CEP350: variants seen among roughly 807,000 people sequenced by gnomAD.
The protein encoded by CEP350 is centrosome-associated protein 350.
Under a neutral mutation model 331.8 loss-of-function variants are expected in CEP350, and 126 were observed. The ratio of observed to expected loss-of-function variants is 0.38; its 90% CI spans 0.33 to 0.44. The LOEUF is 0.44. Ranked by LOEUF, CEP350 falls within the 20% of genes least tolerant of loss-of-function variation. The pLI, the probability that CEP350 is intolerant of heterozygous loss-of-function variation, is 1.00. For missense variants in CEP350, 3,406 were observed against 3,634.6 expected, an observed-to-expected ratio of 0.94 and a Z score of 1.62; for synonymous variants, 1,200 against 1,259.5, an observed-to-expected ratio of 0.95 and a Z score of 1.00.
In CEP350 at chr1:180,097,833, C is replaced by A. The variant is rs186499788; in HGVS notation, c.9067-1030C>A. 1.4e-3 allele frequency among the ~76,000 whole-genome samples: 217 copies of A among 152,234 alleles called. 3 individuals carry two copies. The highest frequency in any genetic ancestry group is 6.8e-3 in the Middle Eastern group (2 of 294). ...GTTTTGGTGCTTCAAAATAAACTAT[C>A]CCAAAGTCTTTTGCTTTTCTCACAT... is the stretch of plus-strand genomic sequence containing the variant. On this transcript the variant is annotated intron_variant, in intron 36 of 37. Coordinates refer to ENST00000367607, the MANE Select transcript of CEP350 (RefSeq NM_014810.5).
At chr1:179,968,565 G>T in intron 1 of CEP350, 1 of 326,656 alleles carries the variant, frequency 3.1e-6, no homozygotes, top group Non-Finnish European at 6.0e-6. Flanking sequence ...GTTATTGAAC[G>T]TGGAAGGAGA....
rs201932318 is a variant in CEP350 at position 180,062,374 on chromosome 1, A to T, written c.5409+8A>T. ...GCAGGGGAGAGTAAATTGGTAAACT[A>T]CATGAAGTTATTATTTGTTTCCTGT... On this transcript the variant is annotated splice_region_variant and intron_variant, in intron 26 of 37. Coordinates refer to ENST00000367607, the MANE Select transcript of CEP350 (RefSeq NM_014810.5). 2.3e-4 allele frequency: 361 copies of T among 1,583,566 alleles called. 10 individuals carry two copies. In the East Asian group the frequency reaches 4.0e-3, roughly 17 times the overall value.
At chr1:180,050,818 A>G (rs1657452997) in intron 22 of CEP350, among the ~76,000 whole-genome samples, 1 of 152,204 alleles carries the variant, frequency 6.6e-6, no homozygotes, top group South Asian at 2.1e-4. Context: ...AACATCGTAT[A>G]TCATTAGAGA....
chr1:180,080,736 T>A, intron 30 of CEP350, 75 bp downstream of exon 30: 1 of 1,323,680 alleles, frequency 7.6e-7, no homozygotes. Flanking sequence ...TCAAGGAGTT[T>A]GTTGACCTTA....
chr1:179,958,177 C>T (rs929171572), intron 1 of CEP350, among the ~76,000 whole-genome samples: 2 of 151,742 alleles, frequency 1.3e-5, no homozygotes, highest in Admixed American at 1.3e-4. Context: ...TTCATGAATC[C>T]AAAGTGTTAA....
intron 23 of CEP350, 71 bp from the exon 24 acceptor site, chr1:180,053,679 T>C (rs1030753913): frequency 2.3e-6 from 2 of 880,188 alleles, no homozygotes; most frequent in African/African-American, 3.3e-5. Context: ...TGTAAATGCA[T>C]ACCTCTTTTA....
At chr1:180,012,532 G>T (rs1201623455) in intron 9 of CEP350, among the ~76,000 whole-genome samples, 3 of 152,178 alleles carry the variant, frequency 2.0e-5, no homozygotes, top group Non-Finnish European at 4.4e-5. Flanking sequence ...TTTGGTGGCA[G>T]AACTGTTTAG....
chr1:179,987,287 G>GT lies in CEP350; in HGVS notation c.120+2dup. On this transcript the variant is annotated splice_donor_variant, in intron 3 of 37. Coordinates refer to ENST00000367607, the MANE Select transcript of CEP350 (RefSeq NM_014810.5). LOFTEE classifies it high-confidence loss of function. Reference sequence around the variant, plus strand: ...TGCACTTTCTCAAACCAAGGCTGCTGTAAGTAGTTTTAGCTTCCATTTATT... The same window carrying GT: ...TGCACTTTCTCAAACCAAGGCTGCTGTTAAGTAGTTTTAGCTTCCATTTATT... 6.5e-7 allele frequency: 1 copy of GT among 1,536,714 alleles called. No homozygotes were observed. The highest frequency in any genetic ancestry group is 1.4e-5 in the African/African-American group (1 of 73,372).
At chr1:180,082,431 C>G (rs1415002194) in intron 30 of CEP350, among the ~76,000 whole-genome samples, 1 of 152,140 alleles carries the variant, frequency 6.6e-6, no homozygotes, top group African/African-American at 2.4e-5. Context: ...ACTCCCGCCT[C>G]AGCCTCCTGA....
At chr1:180,105,977 C>T (rs1450968334) in intron 37 of CEP350, among the ~76,000 whole-genome samples, 1 of 152,172 alleles carries the variant, frequency 6.6e-6, no homozygotes, top group African/African-American at 2.4e-5. Flanking sequence ...ATCTTTCTTT[C>T]ACCTCTAGTT....
intron 1 of CEP350, among the ~76,000 whole-genome samples, chr1:179,980,576 A>G (rs1034716475): frequency 6.6e-6 from 1 of 152,050 alleles, no homozygotes; most frequent in African/African-American, 2.4e-5. Context: ...TTCCAGAACT[A>G]TGTTGAACAA....
rs779057906 is a variant in CEP350 at position 179,997,218 on chromosome 1, T to C, written c.1018+43T>C. 8 of 1,561,106 alleles carry C rather than the reference T, an allele frequency of 5.1e-6. No individual in the cohort carries two copies. The South Asian group carries it at 6.1e-5, about 12-fold the overall frequency. On this transcript the variant is annotated intron_variant, in intron 6 of 37. Transcript: ENST00000367607. Reference sequence around the variant, plus strand: ...ATATCTTCCTCTCCCTGCTTCTTTGTTCTTCTTTCTCCCTAGGGTGTATTT... The same window carrying C: ...ATATCTTCCTCTCCCTGCTTCTTTGCTCTTCTTTCTCCCTAGGGTGTATTT...
chr1:180,063,136 A>T (rs2149011943), intron 26 of CEP350, among the ~76,000 whole-genome samples: 1 of 151,196 alleles, frequency 6.6e-6, no homozygotes, highest in South Asian at 2.1e-4. Context: ...CAACTTTAAT[A>T]TGATGATACA....
intron 10 of CEP350, among the ~76,000 whole-genome samples, chr1:180,014,879 A>G (rs1654873554): frequency 6.6e-6 from 1 of 152,232 alleles, no homozygotes; most frequent in Admixed American, 6.5e-5. Flanking sequence ...CAAAAACTGA[A>G]CTACTAATAG....
intron 6 of CEP350, 94 bp from the exon 7 acceptor site, chr1:180,003,080 T>C (rs907731698): frequency 1.3e-6 from 1 of 744,360 alleles, no homozygotes; most frequent in Non-Finnish European, 2.2e-6. Context: ...GTGAATTTTA[T>C]GTATGTCGAT....
chr1:179,990,814 C>CCA (rs1445154104), intron 4 of CEP350, among the ~76,000 whole-genome samples, 193 bp downstream of exon 4: 3 of 152,134 alleles, frequency 2.0e-5, no homozygotes, highest in East Asian at 3.8e-4. Context: ...ATCTTGGACT[C>CCA]CTTTTAAAGT....
intron 7 of CEP350, among the ~76,000 whole-genome samples, chr1:180,005,934 A>G (rs190689840): frequency 6.5e-4 from 99 of 152,334 alleles, no homozygotes; most frequent in Non-Finnish European, 2.5e-4. Flanking sequence ...TAAGCTTAAC[A>G]TGTGTAATCA....
At chr1:180,101,493 CACATT>C (rs1660807684) in intron 37 of CEP350, among the ~76,000 whole-genome samples, 2 of 152,186 alleles carry the variant, frequency 1.3e-5, no homozygotes. Context: ...CCTCTACTCT[CACATT>C]ACAACAATCA....
chr1:180,053,902 G>A lies in CEP350; in HGVS notation c.5142G>A (p.Lys1714=). Residue 1714 remains lysine (K), a synonymous_variant, in exon 24 of 38, where the codon AAG becomes AAA. Coordinates refer to ENST00000367607, the MANE Select transcript of CEP350 (RefSeq NM_014810.5). ...LREKALKEKT[K]AELAWLEHQK... ...AAAAGGCCTTGAAGGAGAAGACTAA[G>A]GCTGAATTGGCCTGGTTAGAGCATC... The A allele has an allele frequency of 6.2e-7, 1 of 1,607,314 alleles. No homozygotes were observed. The highest frequency in any genetic ancestry group is 8.5e-7 in the Non-Finnish European group (1 of 1,176,246).
Sources: allele counts gnomAD v4.1 joint callset (sites outside exome capture counted in the v4.1 genomes callset), GRCh38; gene constraint gnomAD v4.1.1; transcripts MANE v1.5; gene names NCBI Gene and HGNC (gene_info 2026-07-23, HGNC 2026-07-21).